The following ANKS1B variants were observed in gnomAD, a reference collection of about 807,000 sequenced individuals.
ANKS1B encodes ankyrin repeat and sterile alpha motif domain containing 1B.
In ANKS1B, 36 loss-of-function variants were observed where a neutral mutation model predicts 148.3. The observed-to-expected ratio is 0.24, with a 90% CI of 0.19 to 0.32. ANKS1B has a LOEUF of 0.32. Ranked by LOEUF, ANKS1B falls within the 10% of genes least tolerant of loss-of-function variation. ANKS1B has a pLI of 1.00. For missense variants in ANKS1B, 1,157 were observed against 1,542.6 expected (o/e 0.75, Z 4.19); for synonymous variants, 542 against 560.8 (o/e 0.97, Z 0.47).
chr12:99,842,766 CT>C (rs1421287008), intron 1 of ANKS1B, among the ~76,000 whole-genome samples: 2 of 152,132 alleles, frequency 1.3e-5, no homozygotes, highest in South Asian at 4.1e-4. Flanking sequence ...TGTGATAGTC[CT>C]GAATATTGTC....
rs2079483660 is a variant in ANKS1B, at chr12:99,288,677, G to T, written c.1757-41813C>A. Among the ~76,000 whole-genome samples, 4 of 151,980 alleles carry T rather than the reference G, an allele frequency of 2.6e-5. No individual in the cohort carries two copies. In the South Asian group the frequency reaches 6.2e-4, roughly 24 times the overall value. On this transcript the variant is annotated intron_variant, in intron 12 of 26. Transcript: ENST00000683438. ...TTGTTAATTTGTTTTTGCAGTCAGG[G>T]TTAAGTTGTCATCAGTTTAATGTAA...
At chr12:98,883,840 AT>A (rs1036426343) in intron 17 of ANKS1B, among the ~76,000 whole-genome samples, 26 of 152,280 alleles carry the variant, frequency 1.7e-4, no homozygotes, top group African/African-American at 6.0e-4. Flanking sequence ...TGATATTGTT[AT>A]TTTTTATTAG....
chr12:99,691,327 G>A (rs7136599), intron 8 of ANKS1B, among the ~76,000 whole-genome samples: 104,096 of 152,122 alleles, frequency 0.68, 35,697 homozygotes, highest in African/African-American at 0.71. Context: ...TCCTCACTAC[G>A]TATGCAAATT....
chr12:99,116,030 C>T (rs1448660145), intron 15 of ANKS1B, among the ~76,000 whole-genome samples: 1 of 150,452 alleles, frequency 6.6e-6, no homozygotes, highest in Non-Finnish European at 1.5e-5. Context: ...GGATAGATTA[C>T]TTAATCTCTC....
chr12:98,936,107 T>C (rs1183065794), intron 17 of ANKS1B, among the ~76,000 whole-genome samples: 1 of 152,222 alleles, frequency 6.6e-6, no homozygotes, highest in East Asian at 1.9e-4. Flanking sequence ...TATGGTATTT[T>C]ATTGTTTAGG....
chr12:99,368,009 C>T (rs1292073065), intron 12 of ANKS1B, among the ~76,000 whole-genome samples: 2 of 151,796 alleles, frequency 1.3e-5, no homozygotes, highest in Non-Finnish European at 2.9e-5. Context: ...AATAAATAAG[C>T]CTAACTCTAT....
chr12:99,736,953 CT>C (rs2059669747), intron 8 of ANKS1B, among the ~76,000 whole-genome samples: 1 of 152,110 alleles, frequency 6.6e-6, no homozygotes, highest in African/African-American at 2.4e-5. Flanking sequence ...GTCAACATCA[CT>C]AATCATCAGG....
chr12:99,370,843 A>C (rs892601633), intron 12 of ANKS1B, among the ~76,000 whole-genome samples: 15 of 152,294 alleles, frequency 9.8e-5, no homozygotes, highest in Admixed American at 2.0e-4. Flanking sequence ...AAACATTGGA[A>C]TATAGTTAGT....
intron 1 of ANKS1B, among the ~76,000 whole-genome samples, chr12:99,853,352 C>A (rs1189235793): frequency 1.3e-5 from 2 of 152,182 alleles, no homozygotes. Flanking sequence ...GCTACACCCA[C>A]AAGAGCAGGT....
chr12:99,134,100 A>C (rs1240618950), intron 15 of ANKS1B, among the ~76,000 whole-genome samples: 1 of 152,180 alleles, frequency 6.6e-6, no homozygotes, highest in South Asian at 2.1e-4. Context: ...GCTTGATGAT[A>C]TTACTACTGC....
At chr12:98,963,513 T>G (rs1018386232) in intron 17 of ANKS1B, among the ~76,000 whole-genome samples, 1 of 152,106 alleles carries the variant, frequency 6.6e-6, no homozygotes, top group Admixed American at 6.6e-5. Flanking sequence ...AAACAAAATT[T>G]TTGTCAGTTG....
At chr12:98,892,588 T>C (rs915298023) in intron 17 of ANKS1B, among the ~76,000 whole-genome samples, 2 of 152,356 alleles carry the variant, frequency 1.3e-5, no homozygotes, top group Non-Finnish European at 1.5e-5. Flanking sequence ...GATTCATGTA[T>C]AGAAATTTGG....
intron 19 of ANKS1B, among the ~76,000 whole-genome samples, chr12:98,828,300 TA>T (rs1265158808): frequency 1.3e-5 from 2 of 152,122 alleles, no homozygotes; most frequent in Non-Finnish European, 2.9e-5. Flanking sequence ...GCTTTAAAAA[TA>T]AAATCTCACT....
chr12:99,505,100 CTTT>C (rs1303903560), intron 9 of ANKS1B, among the ~76,000 whole-genome samples: 1 of 152,072 alleles, frequency 6.6e-6, no homozygotes, highest in Non-Finnish European at 1.5e-5. Context: ...TAAGGAGGCT[CTTT>C]CAGAGCCAAG....
At chr12:99,357,760 T>C (rs141488103) in intron 12 of ANKS1B, among the ~76,000 whole-genome samples, 43 of 152,262 alleles carry the variant, frequency 2.8e-4, no homozygotes, top group African/African-American at 1.0e-3. Context: ...ACATTACTAG[T>C]TGAAAGAGTA....
At chr12:98,740,893 A>G (rs1330262445), downstream of ANKS1B, among the ~76,000 whole-genome samples, 1 of 152,094 alleles carries the variant, frequency 6.6e-6, no homozygotes, top group African/African-American at 2.4e-5. Context: ...ATCTTTTCTA[A>G]TGCCTGGAAT....
intron 17 of ANKS1B, among the ~76,000 whole-genome samples, chr12:98,916,555 T>A (rs1186348784): frequency 6.6e-6 from 1 of 152,264 alleles, no homozygotes; most frequent in Non-Finnish European, 1.5e-5. Flanking sequence ...TGTTTTCTTT[T>A]CAGAATGGAA....
intron 9 of ANKS1B, among the ~76,000 whole-genome samples, chr12:99,568,299 C>A (rs1037644583): frequency 7.9e-5 from 12 of 152,182 alleles, no homozygotes; most frequent in Admixed American, 7.9e-4. Context: ...ATTTTCAAAT[C>A]TCTCTCCTAC....
intron 17 of ANKS1B, among the ~76,000 whole-genome samples, chr12:99,033,338 A>C (rs1221354107): frequency 1.3e-5 from 2 of 152,240 alleles, no homozygotes; most frequent in African/African-American, 4.8e-5. Context: ...GTTGCAGTAC[A>C]TATAAGGACA....
Sources: gnomAD v4.1 joint callset for allele counts (sites outside exome capture counted in the v4.1 genomes callset) on GRCh38, gnomAD v4.1.1 for gene constraint, MANE v1.5 for transcripts, NCBI Gene and HGNC (gene_info 2026-07-23, HGNC 2026-07-21) for gene names.